TMEM161B: variants seen among roughly 807,000 people sequenced by gnomAD.
TMEM161B encodes the protein transmembrane protein 161B.
A neutral mutation model predicts 61.8 loss-of-function variants in TMEM161B; 34 were observed. The ratio of observed to expected loss-of-function variants is 0.55; its 90% CI spans 0.42 to 0.73. The LOEUF (loss-of-function observed/expected upper bound fraction) is 0.73, where lower values mean the gene tolerates loss of function less well. Among genes scored for constraint, TMEM161B ranks in the 30% least tolerant of loss-of-function variants. The pLI is 0.00. For synonymous variants in TMEM161B, 167 were observed against 192.8 expected (o/e 0.87, Z 1.11); for missense variants, 456 against 558.5 (o/e 0.82, Z 1.85).
In TMEM161B at chr5:88,206,518, A is replaced by G. The variant is rs1580380435; in HGVS notation, c.599-19T>C. 3 of 1,554,202 alleles carry G rather than the reference A, an allele frequency of 1.9e-6. No individual in the cohort carries two copies. The highest frequency in any genetic ancestry group is 2.6e-6 in the Non-Finnish European group (3 of 1,150,648). On this transcript the variant is annotated intron_variant, in intron 6 of 11. Transcript: ENST00000296595. ...GTAAACCCTGTGGGGGAAAAAAAAA[A>G]AAACAACAGATTACTCTTATCACAA...
Position 88,245,262 on chromosome 5 carries a change from C to T in TMEM161B, c.4-4346G>A, listed in dbSNP as rs577925646. Among the ~76,000 whole-genome samples, 109 of 151,966 alleles carry T rather than the reference C, an allele frequency of 7.2e-4. 1 individual carries two copies. The highest frequency in any genetic ancestry group is 2.5e-3 in the African/African-American group (103 of 41,512). ...CTAACATCAAAGGTTGCATTTTTTA[C>T]CCTTTTCTTTCACATTTCCTATCAT... is the stretch of plus-strand genomic sequence containing the variant. On this transcript the variant is annotated intron_variant, in intron 1 of 11. Transcript: ENST00000296595.
At chr5:88,190,289 C>A, downstream of TMEM161B, 2 of 700,050 alleles carry the variant, frequency 2.9e-6, no homozygotes, top group South Asian at 3.0e-5. Flanking sequence ...ACCGCTGTGT[C>A]AGTTTTGGCA....
chr5:88,250,290 G>C (rs575578524), intron 1 of TMEM161B, among the ~76,000 whole-genome samples: 46 of 152,176 alleles, frequency 3.0e-4, no homozygotes, highest in African/African-American at 9.4e-4. Flanking sequence ...CCCTCTTCCT[G>C]AGTGGCTTTG....
rs557923215 is a variant in TMEM161B, at chr5:88,203,218, A to G, written c.801-143T>C. Reference sequence around the variant, plus strand: ...ACGATACTACTGTCACCATCATTTTATATTTATCATTATGATTTAACACTG... The same window carrying G: ...ACGATACTACTGTCACCATCATTTTGTATTTATCATTATGATTTAACACTG... On this transcript the variant is annotated intron_variant, in intron 8 of 11. Coordinates refer to ENST00000296595, the MANE Select transcript of TMEM161B (RefSeq NM_153354.5). The G allele has an allele frequency of 3.6e-5, 20 of 550,374 alleles. No homozygotes were observed. In the East Asian group the frequency reaches 5.6e-4, roughly 15 times the overall value. 34.1% of individuals were successfully genotyped at this position (550,374 alleles called of 1,614,324 possible).
chr5:88,263,373 C>T (rs1301260727), intron 1 of TMEM161B, among the ~76,000 whole-genome samples: 2 of 152,148 alleles, frequency 1.3e-5, no homozygotes, highest in African/African-American at 2.4e-5. Flanking sequence ...AGTTATATCC[C>T]TGTTGCCAAA....
intron 1 of TMEM161B, among the ~76,000 whole-genome samples, chr5:88,248,727 A>C (rs564140024): frequency 2.6e-5 from 4 of 152,046 alleles, no homozygotes; most frequent in South Asian, 2.1e-4. Context: ...AAAAAAAAAA[A>C]AAAACAACTT....
At chr5:88,193,398 T>C (rs969736023), downstream of TMEM161B, among the ~76,000 whole-genome samples, 1 of 152,132 alleles carries the variant, frequency 6.6e-6, no homozygotes, top group Non-Finnish European at 1.5e-5. Flanking sequence ...CTGGTCTAAT[T>C]TGGGGATATT....
At chr5:88,191,116 T>C (rs1748793100), downstream of TMEM161B, among the ~76,000 whole-genome samples, 1 of 152,238 alleles carries the variant, frequency 6.6e-6, no homozygotes, top group Non-Finnish European at 1.5e-5. Flanking sequence ...CATCTATGAT[T>C]ATTGCCCTTC....
chr5:88,199,316 A>T (rs1750281200), intron 9 of TMEM161B, 166 bp from the exon 10 acceptor site: 1 of 535,796 alleles, frequency 1.9e-6, no homozygotes, highest in Admixed American at 3.9e-5. Flanking sequence ...TAATACTTTA[A>T]CTTGAATAAC....
chr5:88,223,525 CTT>C (rs932226680), intron 4 of TMEM161B, among the ~76,000 whole-genome samples: 2 of 152,006 alleles, frequency 1.3e-5, no homozygotes, highest in African/African-American at 4.8e-5. Context: ...GTCAAAGTGC[CTT>C]TAAATGTTTT....
chr5:88,198,383 A>C (rs1398072047), intron 10 of TMEM161B: 3 of 152,128 alleles, frequency 2.0e-5, no homozygotes, highest in Non-Finnish European at 4.4e-5. Flanking sequence ...ACTTGAGCCC[A>C]GGAGTTCAAG....
At chr5:88,204,650 C>T (rs1328262585) in intron 8 of TMEM161B, among the ~76,000 whole-genome samples, 1 of 151,174 alleles carries the variant, frequency 6.6e-6, no homozygotes, top group Non-Finnish European at 1.5e-5. Context: ...AGTGTGTGTG[C>T]AGAGAGGAGG....
chr5:88,191,980 G>A (rs867548063), downstream of TMEM161B, among the ~76,000 whole-genome samples: 12 of 9,118 alleles, frequency 1.3e-3, no homozygotes, highest in South Asian at 5.4e-3. Flanking sequence ...AAAAAAAAAA[G>A]TGTATATATA....
chr5:88,189,724 G>C (rs1748595585), exon 13 of TMEM161B: 1 of 201,824 alleles, frequency 5.0e-6, no homozygotes, highest in Admixed American at 5.8e-5. Context: ...GTGCCTGGAA[G>C]TCCCCACAAT....
At chr5:88,213,021 T>C (rs1241176400) in intron 5 of TMEM161B, among the ~76,000 whole-genome samples, 1 of 152,188 alleles carries the variant, frequency 6.6e-6, no homozygotes, top group Non-Finnish European at 1.5e-5. Flanking sequence ...AGTTTTTCTA[T>C]TCTGTGAAAA....
chr5:88,229,171 AT>A (rs1157448629), intron 2 of TMEM161B, among the ~76,000 whole-genome samples: 1 of 152,210 alleles, frequency 6.6e-6, no homozygotes, highest in Admixed American at 6.5e-5. Flanking sequence ...AAATTAATCA[AT>A]TATTCCCTCC....
At chr5:88,268,692 G>A (rs997832855) in intron 1 of TMEM161B, 29 bp downstream of exon 1, 1 of 1,614,014 alleles carries the variant, frequency 6.2e-7, no homozygotes, top group African/African-American at 1.3e-5. Flanking sequence ...CCCCACCGTT[G>A]TCACTCCTGC....
chr5:88,196,558 C>T (rs890005156), intron 11 of TMEM161B, 70 bp from the exon 12 acceptor site: 9 of 1,441,464 alleles, frequency 6.2e-6, no homozygotes, highest in South Asian at 1.4e-5. Flanking sequence ...AAAAAAAAAT[C>T]TTCCTATATT....
intron 1 of TMEM161B, among the ~76,000 whole-genome samples, chr5:88,251,341 TTCTGGC>T (rs1270866015): frequency 5.3e-5 from 8 of 152,032 alleles, no homozygotes; most frequent in Non-Finnish European, 5.9e-5. Context: ...ATCTTGTGAC[TTCTGGC>T]CACATGACTC....
Sources: allele counts gnomAD v4.1 joint callset (sites outside exome capture counted in the v4.1 genomes callset), GRCh38; gene constraint gnomAD v4.1.1; transcripts MANE v1.5; gene names NCBI Gene and HGNC (gene_info 2026-07-23, HGNC 2026-07-21).